The following ZNF462 variants were observed in gnomAD, a reference collection of about 807,000 sequenced individuals.
ZNF462 encodes the protein zinc finger PBX1-interacting protein.
ZNF462 carries 10 observed loss-of-function variants against 201.9 expected under a neutral mutation model. The observed-to-expected ratio is 0.05, with a 90% CI of 0.03 to 0.08. ZNF462 has a LOEUF of 0.08. Ranked by LOEUF, ZNF462 falls within the 10% of genes least tolerant of loss-of-function variation. The pLI, the probability that ZNF462 is intolerant of heterozygous loss-of-function variation, is 1.00. For missense variants in ZNF462, 2,523 were observed against 3,168.3 expected, an observed-to-expected ratio of 0.80 and a Z score of 4.89; for synonymous variants, 1,227 against 1,193.3, an observed-to-expected ratio of 1.03 and a Z score of -0.58.
chr9:107,010,833 G>A lies in ZNF462; in HGVS notation c.7324G>A (p.Asp2442Asn). The A allele has an allele frequency of 1.2e-6, 2 of 1,612,496 alleles. No individual in the cohort carries two copies. The highest frequency in any genetic ancestry group is 1.7e-6 in the Non-Finnish European group (2 of 1,179,270). ...HVLRHGMALN[D>N]TKQVSREEIH... ...TAAATGTTTTTCCAGGGCATTGAAT[G>A]ACACCAAGCAGGTGAGCAGAGAAGA... The change falls in exon 13 of 13, where the codon GAC becomes AAC. Residue 2442 changes from aspartate (D) to asparagine (N), a missense_variant. Asp to Asn is a conservative substitution (Grantham distance 23). This residue lies in a region of ZNF462 where 228 missense variants were observed against 361.2 expected (regional missense o/e 0.63). Transcript: ENST00000277225. The surrounding 1 kb of genome is among the most constrained non-coding windows in gnomAD (Gnocchi z 4.6).
chr9:106,991,290 A>G (rs1007340355), intron 10 of ZNF462, among the ~76,000 whole-genome samples: 8 of 151,998 alleles, frequency 5.3e-5, no homozygotes, highest in African/African-American at 1.9e-4. Flanking sequence ...TGAAATTTTA[A>G]GAAGATCAGT....
chr9:106,910,362 G>GT (rs1011376719), intron 1 of ZNF462, among the ~76,000 whole-genome samples: 8,158 of 64,712 alleles, frequency 0.13, 435 homozygotes, highest in East Asian at 0.18. Context: ...CCTTGTTTTA[G>GT]TTTTTTTTTT....
chr9:106,985,244 G>A (rs543964310), intron 10 of ZNF462, among the ~76,000 whole-genome samples: 2 of 152,306 alleles, frequency 1.3e-5, no homozygotes, highest in African/African-American at 4.8e-5. Context: ...TTCCTCAATC[G>A]TGTAGGTGGT....
chr9:106,890,501 T>C lies in ZNF462; in HGVS notation c.-31+27146T>C, dbSNP rs1482071830. Among the ~76,000 whole-genome samples the C allele has an allele frequency of 6.6e-6, 1 of 152,250 alleles. No individual in the cohort carries two copies. Among genetic ancestry groups the C allele is most frequent in the Non-Finnish European group, 1.5e-5 (1 of 68,048 alleles). ...ACACACCTGCAGTTCTTTCTCTGTG[T>C]CCACAAACATGGTTTTACACTTGGA... On this transcript the variant is annotated intron_variant, in intron 1 of 12. Coordinates refer to ENST00000277225, the MANE Select transcript of ZNF462 (RefSeq NM_021224.6). This position sits in a 1 kb window ranked among gnomAD's most constrained non-coding sequence, Gnocchi z 4.2.
intron 1 of ZNF462, among the ~76,000 whole-genome samples, chr9:106,881,302 G>A (rs1217227514): frequency 1.3e-5 from 2 of 152,132 alleles, no homozygotes; most frequent in Non-Finnish European, 2.9e-5. Context: ...ACATCGAAGG[G>A]GGACCCTTTT....
At chr9:106,863,665 T>G (rs1379786936) in intron 1 of ZNF462, among the ~76,000 whole-genome samples, 1 of 151,958 alleles carries the variant, frequency 6.6e-6, no homozygotes, top group Admixed American at 6.6e-5. Flanking sequence ...GCTGTGCTTT[T>G]CCTGCTGGCT....
At position 107,003,226 on chromosome 9, in the gene ZNF462, T is replaced by C. The variant is rs113438688; in HGVS notation, c.7057-68T>C. 1 of 1,572,326 alleles carries C rather than the reference T, an allele frequency of 6.4e-7. No individual in the cohort carries two copies. The highest frequency in any genetic ancestry group is 8.6e-7 in the Non-Finnish European group (1 of 1,159,166). On this transcript the variant is annotated intron_variant, in intron 10 of 12. Coordinates refer to ENST00000277225, the MANE Select transcript of ZNF462 (RefSeq NM_021224.6). This position sits in a 1 kb window ranked among gnomAD's most constrained non-coding sequence, Gnocchi z 4.4. ...ACAGGAAAATGATGTTAGAAAGATC[T>C]CTCCATCAGGGAGAACCCCATTTGG...
rs750401744 is a variant in ZNF462 at position 107,008,791 on chromosome 9, T to C, written c.7190-754T>C. ...GAAACAAAACAACTAAGTCAATATT[T>C]GATGTTTACAACAGACCGTCCAGAA... On this transcript the variant is annotated intron_variant, in intron 11 of 12. Coordinates refer to ENST00000277225, the MANE Select transcript of ZNF462 (RefSeq NM_021224.6). This position sits in a 1 kb window ranked among gnomAD's most constrained non-coding sequence, Gnocchi z 4.8. 6.6e-6 allele frequency among the ~76,000 whole-genome samples: 1 copy of C among 152,174 alleles called. No homozygotes were observed. The highest frequency in any genetic ancestry group is 1.5e-5 in the Non-Finnish European group (1 of 68,032).
chr9:107,009,667 A>G lies in ZNF462; in HGVS notation c.7312A>G (p.Met2438Val), dbSNP rs900705633. Residue 2438 changes from methionine to valine, a missense_variant and splice_region_variant, in exon 12 of 13, where the codon ATG becomes GTG. This residue lies in a region of ZNF462 where 228 missense variants were observed against 361.2 expected (regional missense o/e 0.63). Coordinates refer to ENST00000277225, the MANE Select transcript of ZNF462 (RefSeq NM_021224.6). This position sits in a 1 kb window ranked among gnomAD's most constrained non-coding sequence, Gnocchi z 6.1. ...GGAAAGACATGTGCTGAGACACGGCATGTAAGTTGGGCCACTTCAAGGATG... is the reference window on the plus strand; with the variant it reads ...GGAAAGACATGTGCTGAGACACGGCGTGTAAGTTGGGCCACTTCAAGGATG... The part of the protein sequence containing the change: ...EWERHVLRHG[M>V]ALNDTKQVSR... 7.3e-7 allele frequency: 1 copy of G among 1,371,172 alleles called. No homozygotes were observed. Among genetic ancestry groups the G allele is most frequent in the African/African-American group, 1.5e-5 (1 of 66,834 alleles). The allele number at this position is 1,371,172 out of a possible 1,614,324, so 84.9% of individuals were successfully genotyped here.
chr9:106,888,110 C>G (rs1234411219), intron 1 of ZNF462, among the ~76,000 whole-genome samples: 1 of 150,978 alleles, frequency 6.6e-6, no homozygotes, highest in East Asian at 2.0e-4. Context: ...GGCGCGATCT[C>G]GGCTCACTGC....
At chr9:106,864,056 C>G (rs1587961087) in intron 1 of ZNF462, among the ~76,000 whole-genome samples, 1 of 70,386 alleles carries the variant, frequency 1.4e-5, no homozygotes, top group South Asian at 6.4e-4. Context: ...CTCTCTCTCT[C>G]TCTCTCTCTC....
At chr9:106,971,475 A>G (rs1389560705) in intron 7 of ZNF462, among the ~76,000 whole-genome samples, 2 of 152,074 alleles carry the variant, frequency 1.3e-5, no homozygotes, top group African/African-American at 2.4e-5. Flanking sequence ...ATGAGCCCTC[A>G]AAGTCAGATT....
chr9:106,937,919 T>C (rs533474496), intron 6 of ZNF462, among the ~76,000 whole-genome samples: 2 of 152,322 alleles, frequency 1.3e-5, no homozygotes, highest in South Asian at 4.1e-4. Context: ...GGATATCTTC[T>C]TATTACTCTT....
Position 107,009,977 on chromosome 9 carries a change from C to T in ZNF462, c.7313+309C>T, listed in dbSNP as rs1239234585. ...CTTTAGTCTTCATTAGCGTGACATT[C>T]TATAATAGAACGTGAATCGAGGTCA... is the stretch of plus-strand genomic sequence containing the variant. On this transcript the variant is annotated intron_variant, in intron 12 of 12. Transcript: ENST00000277225. This position sits in a 1 kb window ranked among gnomAD's most constrained non-coding sequence, Gnocchi z 6.1. Among the ~76,000 whole-genome samples, 3 of 152,170 alleles carry T rather than the reference C, an allele frequency of 2.0e-5. No individual in the cohort carries two copies. Among genetic ancestry groups the T allele is most frequent in the Non-Finnish European group, 4.4e-5 (3 of 68,040 alleles).
rs1830506950 is a variant in ZNF462, at chr9:106,933,542, A to G, written c.6116+993A>G. ...TAAATAATTGTGAATAAATGAATATATCCTGTCCTAGGTACTGTACTTTTG... is the reference window on the plus strand; with the variant it reads ...TAAATAATTGTGAATAAATGAATATGTCCTGTCCTAGGTACTGTACTTTTG... On this transcript the variant is annotated intron_variant, in intron 5 of 12. Coordinates refer to ENST00000277225, the MANE Select transcript of ZNF462 (RefSeq NM_021224.6). The surrounding 1 kb of genome is among the most constrained non-coding windows in gnomAD (Gnocchi z 4.3). 6.6e-6 allele frequency among the ~76,000 whole-genome samples: 1 copy of G among 152,186 alleles called. No homozygotes were observed. Among genetic ancestry groups the G allele is most frequent in the Non-Finnish European group, 1.5e-5 (1 of 68,032 alleles).
rs1829105729 is a variant in ZNF462 at position 106,902,519 on chromosome 9, C to G, written c.-30-20835C>G. On this transcript the variant is annotated intron_variant, in intron 1 of 12. Transcript: ENST00000277225. The surrounding 1 kb of genome is among the most constrained non-coding windows in gnomAD (Gnocchi z 4.2). Reference sequence around the variant, plus strand: ...CTGGTACAAATTCTTTTTTGAATGTCTCGTAGAATTCTGCTGTGAATCCAT... The same window carrying G: ...CTGGTACAAATTCTTTTTTGAATGTGTCGTAGAATTCTGCTGTGAATCCAT... Among the ~76,000 whole-genome samples the G allele has an allele frequency of 6.6e-6, 1 of 152,042 alleles. No homozygotes were observed. The highest frequency in any genetic ancestry group is 2.4e-5 in the African/African-American group (1 of 41,402).
chr9:106,907,821 T>G (rs1323836060), intron 1 of ZNF462, among the ~76,000 whole-genome samples: 2 of 152,122 alleles, frequency 1.3e-5, no homozygotes, highest in East Asian at 3.9e-4. Flanking sequence ...TCATTTAGTA[T>G]TATTATTTCT....
At chr9:106,985,620 A>G (rs757504162) in intron 10 of ZNF462, among the ~76,000 whole-genome samples, 6 of 152,208 alleles carry the variant, frequency 3.9e-5, no homozygotes, top group Non-Finnish European at 5.9e-5. Flanking sequence ...TCTATTGAGT[A>G]TTTACTGAAG....
rs913260596 is a variant in ZNF462 at position 107,005,830 on chromosome 9, T to C, written c.7189+2404T>C. On this transcript the variant is annotated intron_variant, in intron 11 of 12. Coordinates refer to ENST00000277225, the MANE Select transcript of ZNF462 (RefSeq NM_021224.6). The surrounding 1 kb of genome is among the most constrained non-coding windows in gnomAD (Gnocchi z 4.4). ...TATAGTTTCAGGTCTTATATTCAAG[T>C]TTTTAATTCATTTTGAGACGATTTT... Among the ~76,000 whole-genome samples, 2 of 152,210 alleles carry C rather than the reference T, an allele frequency of 1.3e-5. No homozygotes were observed. The highest frequency in any genetic ancestry group is 2.9e-5 in the Non-Finnish European group (2 of 68,038).
Sources: allele counts gnomAD v4.1 joint callset (sites outside exome capture counted in the v4.1 genomes callset), GRCh38; gene constraint gnomAD v4.1.1; regional missense constraint gnomAD v4.1.1; non-coding constraint Gnocchi (gnomAD v3.1); transcripts MANE v1.5; gene names NCBI Gene and HGNC (gene_info 2026-07-23, HGNC 2026-07-21).